Variants in C8orf88 observed in about 807,000 individuals in gnomAD.
The protein encoded by C8orf88 is uncharacterized protein C8orf88.
In C8orf88, 14 loss-of-function variants were observed where a neutral mutation model predicts 18.4. The observed-to-expected ratio is 0.76, with a 90% confidence interval of 0.50 to 1.19. The LOEUF is 1.19. C8orf88 is among the 50% of genes most tolerant of loss of function. C8orf88 has a pLI of 0.00. For missense variants in C8orf88, 116 were observed against 134.7 expected (o/e 0.86, Z 0.69); for synonymous variants, 45 against 42.9 (o/e 1.05, Z -0.19).
chr8:90,963,623 T>C (rs1811157343), intron 4 of C8orf88, among the ~76,000 whole-genome samples: 1 of 151,668 alleles, frequency 6.6e-6, no homozygotes, highest in Non-Finnish European at 1.5e-5. Context: ...AGATGGAACT[T>C]ATAAGAAGAA....
Position 90,965,317 on chromosome 8 carries a change from T to G in C8orf88, c.224-4469A>C, listed in dbSNP as rs115648589. Among the ~76,000 whole-genome samples the G allele has an allele frequency of 1.7e-3, 259 of 151,876 alleles. 1 individual carries two copies. Among genetic ancestry groups the G allele is most frequent in the African/African-American group, 6.1e-3 (252 of 41,466 alleles). ...ATGCCATGATAAAAGCATCAATTCATCAAGAAGATATAAGAATTGTAAGCA... is the reference window on the plus strand; with the variant it reads ...ATGCCATGATAAAAGCATCAATTCAGCAAGAAGATATAAGAATTGTAAGCA... On this transcript the variant is annotated intron_variant, in intron 4 of 5. Coordinates refer to ENST00000517562, the MANE Select transcript of C8orf88 (RefSeq NM_001190972.2).
chr8:90,985,257 G>A (rs1414143968), upstream of C8orf88: 6 of 139,978 alleles, frequency 4.3e-5, no homozygotes, highest in Non-Finnish European at 7.6e-5. Flanking sequence ...CGGGGGGCGA[G>A]GGGCGGGGGG....
At chr8:90,974,631 T>C (rs1586164215) in intron 3 of C8orf88, among the ~76,000 whole-genome samples, 2 of 152,140 alleles carry the variant, frequency 1.3e-5, no homozygotes, top group Middle Eastern at 6.8e-3. Flanking sequence ...GAAGAAATAA[T>C]GAAAAACAGG....
chr8:90,975,220 A>T (rs573454166), intron 3 of C8orf88, among the ~76,000 whole-genome samples: 1 of 152,272 alleles, frequency 6.6e-6, no homozygotes, highest in East Asian at 1.9e-4. Context: ...AAGACCTAGA[A>T]TTGTAAAGAT....
chr8:90,976,095 G>C (rs1027381499), intron 3 of C8orf88, among the ~76,000 whole-genome samples: 2 of 152,084 alleles, frequency 1.3e-5, no homozygotes, highest in Admixed American at 1.3e-4. Flanking sequence ...AAGCGGATCA[G>C]TGGATGTGTG....
rs11780760 is a variant in C8orf88, at chr8:90,965,103, A to G, written c.224-4255T>C. Among the ~76,000 whole-genome samples, 1,432 of 151,728 alleles carry G rather than the reference A, an allele frequency of 9.4e-3. 9 individuals are homozygous for G. The highest frequency in any genetic ancestry group is 0.035 in the South Asian group (168 of 4,816). Reference sequence around the variant, plus strand: ...AGAGATTGGTAGAATGAATTTTTAAAAATCATCTAATTATATTCTGTCTAC... The same window carrying G: ...AGAGATTGGTAGAATGAATTTTTAAGAATCATCTAATTATATTCTGTCTAC... On this transcript the variant is annotated intron_variant, in intron 4 of 5. Coordinates refer to ENST00000517562, the MANE Select transcript of C8orf88 (RefSeq NM_001190972.2).
At chr8:90,959,061 AATTG>A in intron 5 of C8orf88, 31 bp from the exon 6 acceptor site, 4 of 1,028,254 alleles carry the variant, frequency 3.9e-6, no homozygotes, top group Middle Eastern at 5.4e-4. Context: ...TTAATTTATC[AATTG>A]ATTGAATACA....
chr8:90,960,710 A>C (rs1202277638), intron 5 of C8orf88, 32 bp downstream of exon 5: 1 of 1,230,732 alleles, frequency 8.1e-7, no homozygotes, highest in East Asian at 2.6e-5. Flanking sequence ...TTGTAATATA[A>C]TATTACAATA....
intron 3 of C8orf88, among the ~76,000 whole-genome samples, chr8:90,972,487 AC>A (rs1221413921): frequency 1.3e-5 from 2 of 152,084 alleles, no homozygotes; most frequent in Non-Finnish European, 2.9e-5. Flanking sequence ...TGTAACATCT[AC>A]TTAAATGCAA....
chr8:90,960,561 T>C (rs567536254), intron 5 of C8orf88, among the ~76,000 whole-genome samples, 181 bp downstream of exon 5: 284 of 151,612 alleles, frequency 1.9e-3, no homozygotes, highest in African/African-American at 6.5e-3. Flanking sequence ...TATTCCATTC[T>C]ATTTTTTGAA....
chr8:90,980,974 GTCTT>G (rs1351589908), intron 1 of C8orf88, among the ~76,000 whole-genome samples: 1 of 151,984 alleles, frequency 6.6e-6, no homozygotes, highest in Non-Finnish European at 1.5e-5. Context: ...CTCTTCTTCT[GTCTT>G]TCTTCCGAAT....
intron 4 of C8orf88, among the ~76,000 whole-genome samples, chr8:90,967,058 C>T (rs1315975887): frequency 6.6e-6 from 1 of 151,876 alleles, no homozygotes; most frequent in Non-Finnish European, 1.5e-5. Flanking sequence ...TCTTGCCTAA[C>T]TGCTATGGCT....
intron 3 of C8orf88, among the ~76,000 whole-genome samples, chr8:90,977,058 TC>T (rs1811361349): frequency 6.6e-6 from 1 of 151,976 alleles, no homozygotes; most frequent in Non-Finnish European, 1.5e-5. Context: ...ATAATTAGAA[TC>T]CAGAACATAT....
intron 4 of C8orf88, among the ~76,000 whole-genome samples, chr8:90,966,498 T>TATTATA (rs1811200565): frequency 7.1e-6 from 1 of 140,738 alleles, no homozygotes; most frequent in Non-Finnish European, 1.5e-5. Context: ...AAACTTAAAG[T>TATTATA]ATAATAATAA....
At chr8:90,960,871 A>C in intron 4 of C8orf88, 23 bp from the exon 5 acceptor site, 6 of 1,348,870 alleles carry the variant, frequency 4.4e-6, no homozygotes, top group South Asian at 3.8e-5. Flanking sequence ...AACATCAAAT[A>C]TAATGTTAGG....
rs1811080018 is a variant in C8orf88, at chr8:90,958,847, C to A, written c.*160G>T. 3.9e-6 allele frequency: 2 copies of A among 518,862 alleles called. No individual in the cohort carries two copies. The highest frequency in any genetic ancestry group is 6.7e-6 in the Non-Finnish European group (2 of 299,268). The allele number at this position is 518,862 out of a possible 1,614,324, so 32.1% of individuals were successfully genotyped here. The stretch of plus-strand genomic sequence containing the variant: ...CAAAGCTGAAACTGATTAGAAAATT[C>A]TTTATATTTTAAAATAGCTCTTTCT... On this transcript the variant is annotated 3_prime_UTR_variant, in exon 6 of 6. Coordinates refer to ENST00000517562, the MANE Select transcript of C8orf88 (RefSeq NM_001190972.2).
At chr8:90,980,522 T>C (rs1297746182) in intron 1 of C8orf88, 61 bp from the exon 2 acceptor site, 10 of 632,220 alleles carry the variant, frequency 1.6e-5, no homozygotes, top group Non-Finnish European at 2.3e-5. Context: ...GCTTTACATG[T>C]ATACAAATAA....
intron 1 of C8orf88, 145 bp from the exon 2 acceptor site, chr8:90,980,606 C>T: frequency 1.9e-6 from 1 of 515,104 alleles, no homozygotes; most frequent in Non-Finnish European, 3.4e-6. Context: ...ATTTAATATG[C>T]AATACTCAGA....
chr8:90,985,060 C>A (rs1340179852), intron 1 of C8orf88, 54 bp downstream of exon 1: 2 of 152,304 alleles, frequency 1.3e-5, no homozygotes, highest in East Asian at 3.9e-4. Context: ...CTCCTCCACA[C>A]CACGGGGCCC....
Sources: allele counts gnomAD v4.1 joint callset (sites outside exome capture counted in the v4.1 genomes callset), GRCh38; gene constraint gnomAD v4.1.1; transcripts MANE v1.5; gene names NCBI Gene and HGNC (gene_info 2026-07-23, HGNC 2026-07-21).